The following SHISA9 variants were observed in gnomAD, a reference collection of about 807,000 sequenced individuals.
SHISA9 encodes protein shisa-9.
SHISA9 carries 13 observed loss-of-function variants against 38.0 expected under a neutral mutation model. The ratio of observed to expected loss-of-function variants is 0.34; its 90% CI spans 0.22 to 0.54. The LOEUF (loss-of-function observed/expected upper bound fraction) is 0.54. SHISA9 is among the 20% of genes least tolerant of loss of function. The pLI is 0.91. For synonymous variants in SHISA9, 275 were observed against 242.0 expected, an observed-to-expected ratio of 1.14 and a Z score of -1.27; for missense variants, 538 against 575.8, an observed-to-expected ratio of 0.93 and a Z score of 0.67.
the SHISA9 span, among the ~76,000 whole-genome samples, chr16:13,343,840 T>C: frequency 9.2e-5 from 14 of 152,198 alleles, no homozygotes; most frequent in African/African-American, 3.4e-4. Context: ...TGAGAAGCTT[T>C]TGTTACATTG....
the SHISA9 span, among the ~76,000 whole-genome samples, chr16:13,466,247 G>C: frequency 6.6e-6 from 1 of 152,208 alleles, no homozygotes; most frequent in Non-Finnish European, 1.5e-5. Flanking sequence ...CTATGCTTCT[G>C]AGTCAACAGG....
chr16:12,936,334 C>T lies in SHISA9; in HGVS notation c.691+19519C>T, dbSNP rs1379916294. On this transcript the variant is annotated intron_variant, in intron 2 of 4. Coordinates refer to ENST00000558583, the MANE Select transcript of SHISA9 (RefSeq NM_001145204.3). ...CTGATTATAATAATTTTCTAGGTTTCCATGGCTGGAGTAGGAGCCAGGTTG... is the reference window on the plus strand; with the variant it reads ...CTGATTATAATAATTTTCTAGGTTTTCATGGCTGGAGTAGGAGCCAGGTTG... Among the ~76,000 whole-genome samples, 6 of 152,174 alleles carry T rather than the reference C, an allele frequency of 3.9e-5. No homozygotes were observed. In the East Asian group the frequency reaches 1.2e-3, roughly 29 times the overall value.
chr16:12,963,260 A>C (rs147715447), intron 2 of SHISA9, among the ~76,000 whole-genome samples: 154 of 152,354 alleles, frequency 1.0e-3, no homozygotes, highest in African/African-American at 3.4e-3. Context: ...CATGGAGTGC[A>C]TCTCTGCAGG....
At chr16:13,058,853 G>A (rs770113588) in intron 2 of SHISA9, among the ~76,000 whole-genome samples, 8 of 151,904 alleles carry the variant, frequency 5.3e-5, no homozygotes, top group Admixed American at 1.3e-4. Flanking sequence ...ACATAATACC[G>A]TTGCTCACTA....
In SHISA9 at chr16:13,103,575, C is replaced by CA. The variant is rs58601185; in HGVS notation, c.692-99818dup. 7.6e-3 allele frequency among the ~76,000 whole-genome samples: 1,160 copies of CA among 152,334 alleles called. 17 individuals carry two copies. The highest frequency in any genetic ancestry group is 0.026 in the African/African-American group (1,097 of 41,572). On this transcript the variant is annotated intron_variant, in intron 2 of 4. Coordinates refer to ENST00000558583, the MANE Select transcript of SHISA9 (RefSeq NM_001145204.3). Reference sequence around the variant, plus strand: ...AGTAACCCAACCTGCCTAGGCCTCTCAGTCTGTGAGTAAGATGAAGTCACA... The same window carrying CA: ...AGTAACCCAACCTGCCTAGGCCTCTCAAGTCTGTGAGTAAGATGAAGTCACA...
chr16:13,429,439 G>A, the SHISA9 span, among the ~76,000 whole-genome samples: 5 of 152,024 alleles, frequency 3.3e-5, no homozygotes, highest in African/African-American at 9.7e-5. Flanking sequence ...CCTGATCTCT[G>A]CCTTCCTCTT....
chr16:13,276,073 C>T, the SHISA9 span, among the ~76,000 whole-genome samples: 2 of 151,886 alleles, frequency 1.3e-5, no homozygotes, highest in African/African-American at 4.8e-5. Flanking sequence ...ATCCCTCGCC[C>T]CCTCTGTCTC....
chr16:13,068,283 A>G (rs1352515512), intron 2 of SHISA9, among the ~76,000 whole-genome samples: 1 of 152,228 alleles, frequency 6.6e-6, no homozygotes, highest in Admixed American at 6.5e-5. Context: ...TTCTCGACCC[A>G]TAAAATGAGC....
At chr16:13,064,640 C>T (rs2073413063) in intron 2 of SHISA9, among the ~76,000 whole-genome samples, 2 of 151,920 alleles carry the variant, frequency 1.3e-5, no homozygotes, top group African/African-American at 2.4e-5. Flanking sequence ...CGGAAGTTTG[C>T]ATTACAAATC....
At chr16:13,191,232 T>C (rs538600176) in intron 2 of SHISA9, among the ~76,000 whole-genome samples, 1 of 152,352 alleles carries the variant, frequency 6.6e-6, no homozygotes, top group East Asian at 1.9e-4. Context: ...TCTATTCTCC[T>C]TTTTTGTTCT....
At chr16:13,554,123 A>G in the SHISA9 span, among the ~76,000 whole-genome samples, 1 of 152,146 alleles carries the variant, frequency 6.6e-6, no homozygotes, top group African/African-American at 2.4e-5. Context: ...GGTAATAAAA[A>G]GCACAGGTTT....
chr16:13,318,977 G>C, the SHISA9 span, among the ~76,000 whole-genome samples: 4 of 152,184 alleles, frequency 2.6e-5, no homozygotes, highest in Admixed American at 2.6e-4. Context: ...GACTCAGGTG[G>C]TCCCCACAGA....
the SHISA9 span, among the ~76,000 whole-genome samples, chr16:13,330,108 G>A: frequency 2.6e-5 from 4 of 152,186 alleles, no homozygotes; most frequent in African/African-American, 9.7e-5. Flanking sequence ...TGTTTGTTGT[G>A]GGAATGACTA....
the SHISA9 span, among the ~76,000 whole-genome samples, chr16:13,389,466 C>T: frequency 6.6e-6 from 1 of 152,118 alleles, no homozygotes; most frequent in African/African-American, 2.4e-5. Flanking sequence ...TCACTATGTA[C>T]ATGTGTATCA....
the SHISA9 span, among the ~76,000 whole-genome samples, chr16:13,285,377 G>A: frequency 6.6e-6 from 1 of 151,752 alleles, no homozygotes; most frequent in Non-Finnish European, 1.5e-5. Flanking sequence ...GGCAGCTGGG[G>A]AGTAATTCTT....
intron 2 of SHISA9, among the ~76,000 whole-genome samples, chr16:13,005,945 G>T (rs2072592464): frequency 6.6e-6 from 1 of 152,190 alleles, no homozygotes; most frequent in Admixed American, 6.5e-5. Flanking sequence ...ACAGTGGGAG[G>T]CTCTTATTTC....
the SHISA9 span, among the ~76,000 whole-genome samples, chr16:13,309,185 G>A: frequency 6.6e-6 from 1 of 152,086 alleles, no homozygotes; most frequent in Non-Finnish European, 1.5e-5. Flanking sequence ...TATGCTGGGG[G>A]GCCAGGGGGT....
At chr16:13,297,251 A>G in the SHISA9 span, among the ~76,000 whole-genome samples, 1 of 152,150 alleles carries the variant, frequency 6.6e-6, no homozygotes, top group African/African-American at 2.4e-5. Flanking sequence ...TTTGTTCATC[A>G]TTCTTTTGTA....
chr16:13,264,032 G>A, the SHISA9 span, among the ~76,000 whole-genome samples: 23,417 of 152,042 alleles, frequency 0.15, 2,068 homozygotes, highest in Non-Finnish European at 0.2. Context: ...TGTAAACACT[G>A]ATATGACTAC....
Sources: gnomAD v4.1 joint callset for allele counts (sites outside exome capture counted in the v4.1 genomes callset) on GRCh38, gnomAD v4.1.1 for gene constraint, MANE v1.5 for transcripts, NCBI Gene and HGNC (gene_info 2026-07-23, HGNC 2026-07-21) for gene names.